The following GABRB1 variants were observed in gnomAD, a reference collection of about 807,000 sequenced individuals.
The protein encoded by GABRB1 is gamma-aminobutyric acid receptor subunit beta-1.
Under a neutral mutation model 51.6 loss-of-function variants are expected in GABRB1, and 17 were observed. The observed-to-expected ratio is 0.33, with a 90% CI of 0.23 to 0.49. The LOEUF is 0.49. Among genes scored for constraint, GABRB1 ranks in the 20% least tolerant of loss-of-function variants. The probability of loss-of-function intolerance (pLI) is 0.99; values close to 1 mark genes in which losing one functional copy is unlikely to be tolerated. For synonymous variants in GABRB1, 247 were observed against 218.9 expected (o/e 1.13, Z -1.14); for missense variants, 410 against 600.6 (o/e 0.68, Z 3.32).
chr4:47,400,586 T>C (rs1209755420), intron 5 of GABRB1, among the ~76,000 whole-genome samples: 3 of 151,174 alleles, frequency 2.0e-5, no homozygotes, highest in East Asian at 1.9e-4. Flanking sequence ...TTCTCTCTCT[T>C]TTTTTTCAAT....
At position 47,321,236 on chromosome 4, in the gene GABRB1, A is replaced by G. The variant is rs948343610; in HGVS notation, c.544+1027A>G. On this transcript the variant is annotated intron_variant, in intron 5 of 8. Transcript: ENST00000295454. ...ATTTAGATAGTCTAAAATACTTTCT[A>G]GATCTAAACATTAAGAAAGTAAAGG... 9.2e-5 allele frequency among the ~76,000 whole-genome samples: 14 copies of G among 152,332 alleles called. No homozygotes were observed. The South Asian group carries it at 1.0e-3, about 11-fold the overall frequency.
At chr4:47,032,634 C>T in intron 3 of GABRB1, 150 bp downstream of exon 3, 1 of 760,680 alleles carries the variant, frequency 1.3e-6, no homozygotes, top group Middle Eastern at 2.3e-4. Flanking sequence ...GCACACACAC[C>T]CGGTCGCCCC....
intron 4 of GABRB1, among the ~76,000 whole-genome samples, chr4:47,179,980 A>G (rs1396982393): frequency 6.6e-6 from 1 of 152,132 alleles, no homozygotes; most frequent in Non-Finnish European, 1.5e-5. Context: ...CTGAGGCAGT[A>G]GAATTGCTTG....
At chr4:47,145,082 C>T (rs1004030917) in intron 3 of GABRB1, among the ~76,000 whole-genome samples, 2 of 151,768 alleles carry the variant, frequency 1.3e-5, no homozygotes, top group African/African-American at 2.4e-5. Flanking sequence ...AAAAATACAA[C>T]CTAAAAGATA....
intron 1 of GABRB1, among the ~76,000 whole-genome samples, chr4:46,998,312 T>C (rs1372853258): frequency 6.6e-6 from 1 of 152,172 alleles, no homozygotes; most frequent in African/African-American, 2.4e-5. Context: ...TGAGATCAAG[T>C]TGGACATTAA....
At chr4:47,085,593 T>A (rs1014261524) in intron 3 of GABRB1, among the ~76,000 whole-genome samples, 1 of 152,182 alleles carries the variant, frequency 6.6e-6, no homozygotes, top group Admixed American at 6.5e-5. Context: ...AAATCTCACT[T>A]CTCAACAGAG....
chr4:47,138,246 T>A (rs1679368186), intron 3 of GABRB1, among the ~76,000 whole-genome samples: 1 of 152,096 alleles, frequency 6.6e-6, no homozygotes, highest in South Asian at 2.1e-4. Flanking sequence ...AGAGTATGTT[T>A]ATTAACCTGA....
intron 3 of GABRB1, among the ~76,000 whole-genome samples, chr4:47,081,277 G>T (rs1727831110): frequency 6.6e-6 from 1 of 152,104 alleles, no homozygotes; most frequent in South Asian, 2.1e-4. Context: ...CATTATTCAA[G>T]AGTCTTCATG....
At chr4:47,174,793 G>A (rs989476728) in intron 4 of GABRB1, among the ~76,000 whole-genome samples, 12 of 152,016 alleles carry the variant, frequency 7.9e-5, no homozygotes, top group Non-Finnish European at 1.3e-4. Flanking sequence ...TATTTCAAAG[G>A]CTCCTGTTTG....
chr4:47,065,800 A>G (rs992443015), intron 3 of GABRB1, among the ~76,000 whole-genome samples: 16 of 152,260 alleles, frequency 1.1e-4, no homozygotes, highest in African/African-American at 3.6e-4. Context: ...GAATGAAGCC[A>G]TTGATAAACA....
intron 4 of GABRB1, among the ~76,000 whole-genome samples, chr4:47,302,633 T>G (rs1215760765): frequency 6.6e-6 from 1 of 151,966 alleles, no homozygotes; most frequent in African/African-American, 2.4e-5. Context: ...AATTAACAAT[T>G]AGGTCTAAAA....
chr4:47,400,921 C>CTTTTTTTTTTTTTTTTTTTTTTTTT (rs71195629), intron 5 of GABRB1, among the ~76,000 whole-genome samples: 2 of 98,540 alleles, frequency 2.0e-5, no homozygotes, highest in African/African-American at 8.2e-5. Flanking sequence ...TTGTTCTTCT[C>CTTTTTTTTTTTTTTTTTTTTTTTTT]TTTTTTTTTT....
At chr4:47,176,772 G>A (rs1718720706) in intron 4 of GABRB1, among the ~76,000 whole-genome samples, 1 of 152,094 alleles carries the variant, frequency 6.6e-6, no homozygotes, top group African/African-American at 2.4e-5. Context: ...AAAAATGGAA[G>A]CTTAGCCTTG....
At chr4:47,011,266 A>G (rs888992053) in intron 1 of GABRB1, among the ~76,000 whole-genome samples, 1 of 152,154 alleles carries the variant, frequency 6.6e-6, no homozygotes, top group Non-Finnish European at 1.5e-5. Context: ...TGCTGCAAAA[A>G]TAAGGCCACA....
intron 5 of GABRB1, among the ~76,000 whole-genome samples, chr4:47,360,806 A>G (rs1441152506): frequency 6.6e-6 from 1 of 152,070 alleles, no homozygotes; most frequent in Non-Finnish European, 1.5e-5. Flanking sequence ...CATAATTAAG[A>G]CCCATAAGTC....
chr4:47,411,061 T>C (rs1728746114), intron 8 of GABRB1, among the ~76,000 whole-genome samples: 1 of 152,112 alleles, frequency 6.6e-6, no homozygotes, highest in African/African-American at 2.4e-5. Context: ...ATCCAATATA[T>C]AGTAAAAAAT....
intron 8 of GABRB1, among the ~76,000 whole-genome samples, chr4:47,409,019 T>C (rs1424823977): frequency 1.3e-5 from 2 of 152,136 alleles, no homozygotes; most frequent in East Asian, 3.9e-4. Context: ...AGTAATTAAA[T>C]TGAAACAGGA....
intron 5 of GABRB1, among the ~76,000 whole-genome samples, chr4:47,347,441 G>T (rs1022273386): frequency 2.4e-4 from 36 of 152,290 alleles, no homozygotes; most frequent in African/African-American, 8.7e-4. Context: ...GCTTGCAGCA[G>T]TGAACAGAAG....
At chr4:47,003,726 A>G (rs1261853277) in intron 1 of GABRB1, among the ~76,000 whole-genome samples, 2 of 152,220 alleles carry the variant, frequency 1.3e-5, no homozygotes, top group African/African-American at 4.8e-5. Flanking sequence ...GTAATTGCTA[A>G]CTACCAGAAT....
Sources: allele counts gnomAD v4.1 joint callset (sites outside exome capture counted in the v4.1 genomes callset), GRCh38; gene constraint gnomAD v4.1.1; transcripts MANE v1.5; gene names NCBI Gene and HGNC (gene_info 2026-07-23, HGNC 2026-07-21).